Variants in DCLK1 observed in about 807,000 individuals in gnomAD.
The protein encoded by DCLK1 is serine/threonine-protein kinase DCLK1.
In DCLK1, 16 loss-of-function variants were observed where a neutral mutation model predicts 86.2. That is an observed-to-expected ratio of 0.19 (90% CI 0.13 to 0.28). The LOEUF (loss-of-function observed/expected upper bound fraction) is 0.28. DCLK1 is among the 10% of genes least tolerant of loss of function. The pLI is 1.00. For missense variants in DCLK1, 590 were observed against 940.2 expected (o/e 0.63, Z 4.87); for synonymous variants, 369 against 370.5 (o/e 1.00, Z 0.05).
chr13:35,967,299 G>A (rs1280041475), intron 3 of DCLK1, among the ~76,000 whole-genome samples: 2 of 152,148 alleles, frequency 1.3e-5, no homozygotes, highest in Non-Finnish European at 2.9e-5. Flanking sequence ...GAGCCCCTCT[G>A]CCCGGCCGCC....
At chr13:36,114,499 C>T (rs1885714588) in intron 2 of DCLK1, among the ~76,000 whole-genome samples, 1 of 152,212 alleles carries the variant, frequency 6.6e-6, no homozygotes, top group Non-Finnish European at 1.5e-5. Context: ...AGATCACACA[C>T]CACAGTCATT....
At chr13:35,917,827 A>G (rs7995867) in intron 4 of DCLK1, among the ~76,000 whole-genome samples, 147,596 of 151,570 alleles carry the variant, frequency 0.97, 71,997 homozygotes, top group Non-Finnish European at 1. Flanking sequence ...CAGGGCGGGG[A>G]GGCCTCCAGT....
At chr13:35,967,149 G>C (rs576960728) in intron 3 of DCLK1, among the ~76,000 whole-genome samples, 2 of 151,314 alleles carry the variant, frequency 1.3e-5, no homozygotes, top group Admixed American at 1.3e-4. Flanking sequence ...GCCTCTGCCC[G>C]GCCGCCACCC....
At chr13:35,867,442 A>T (rs1166727286) in intron 5 of DCLK1, among the ~76,000 whole-genome samples, 2 of 152,174 alleles carry the variant, frequency 1.3e-5, no homozygotes, top group East Asian at 3.9e-4. Context: ...CTTACCTATC[A>T]CAAATTCCAA....
intron 6 of DCLK1, among the ~76,000 whole-genome samples, chr13:35,851,782 A>T (rs1207775395): frequency 6.6e-6 from 1 of 152,234 alleles, no homozygotes; most frequent in Non-Finnish European, 1.5e-5. Context: ...TCATTGTATA[A>T]GAGTATTCCA....
chr13:35,803,699 C>A (rs1008570384), intron 15 of DCLK1, among the ~76,000 whole-genome samples: 11 of 152,182 alleles, frequency 7.2e-5, no homozygotes, highest in Non-Finnish European at 4.4e-5. Context: ...GCCTTGACCT[C>A]AAGCTTTTGT....
At chr13:35,799,145 C>T (rs1474307112) in intron 15 of DCLK1, among the ~76,000 whole-genome samples, 3 of 152,212 alleles carry the variant, frequency 2.0e-5, no homozygotes, top group African/African-American at 7.2e-5. Context: ...AGTCCTGATG[C>T]CAGGAAGCCA....
intron 3 of DCLK1, among the ~76,000 whole-genome samples, chr13:35,980,602 C>A (rs1428274109): frequency 6.6e-6 from 1 of 152,128 alleles, no homozygotes; most frequent in Non-Finnish European, 1.5e-5. Flanking sequence ...TGGTCCCCAG[C>A]CTTTTTGGCA....
At chr13:35,908,210 T>C (rs1022893288) in intron 4 of DCLK1, among the ~76,000 whole-genome samples, 8 of 152,172 alleles carry the variant, frequency 5.3e-5, no homozygotes. Flanking sequence ...ACTAAACTTT[T>C]AGTATACTAA....
chr13:35,787,617 T>C (rs1368464586), intron 16 of DCLK1, among the ~76,000 whole-genome samples: 1 of 152,064 alleles, frequency 6.6e-6, no homozygotes, highest in Non-Finnish European at 1.5e-5. Flanking sequence ...CAATAGCTAA[T>C]ACATAGAGGG....
chr13:35,923,511 G>C (rs2153127393), intron 4 of DCLK1, among the ~76,000 whole-genome samples: 1 of 152,138 alleles, frequency 6.6e-6, no homozygotes, highest in African/African-American at 2.4e-5. Flanking sequence ...GTGGGTGTCA[G>C]GAGGCTTAGG....
chr13:35,964,251 T>G (rs1878611100), intron 3 of DCLK1, among the ~76,000 whole-genome samples: 2 of 152,162 alleles, frequency 1.3e-5, no homozygotes, highest in African/African-American at 2.4e-5. Flanking sequence ...TTAAAGACAT[T>G]CAAAAGGAAT....
At chr13:35,807,512 G>A (rs1247305162) in intron 14 of DCLK1, among the ~76,000 whole-genome samples, 2 of 152,130 alleles carry the variant, frequency 1.3e-5, no homozygotes, top group Non-Finnish European at 2.9e-5. Context: ...ATTAATTGAT[G>A]GATTCATTCA....
chr13:35,887,837 C>T (rs1345050149), intron 4 of DCLK1, among the ~76,000 whole-genome samples: 2 of 120,302 alleles, frequency 1.7e-5, no homozygotes, highest in African/African-American at 3.2e-5. Context: ...ATCTCTTGTG[C>T]CCAGGAATTC....
chr13:36,003,158 T>C (rs1487344674), intron 3 of DCLK1, among the ~76,000 whole-genome samples: 2 of 152,226 alleles, frequency 1.3e-5, no homozygotes, highest in African/African-American at 4.8e-5. Context: ...ATCAATCTCA[T>C]GTGATTTTGG....
chr13:36,083,823 A>C (rs1281852253), intron 3 of DCLK1, among the ~76,000 whole-genome samples: 2 of 152,198 alleles, frequency 1.3e-5, no homozygotes, highest in Non-Finnish European at 2.9e-5. Context: ...TAAGCTAGGA[A>C]GAGAAAACTT....
At chr13:35,886,905 C>A (rs1407454971) in intron 4 of DCLK1, among the ~76,000 whole-genome samples, 1 of 152,156 alleles carries the variant, frequency 6.6e-6, no homozygotes, top group East Asian at 1.9e-4. Flanking sequence ...AGGTAAATTT[C>A]TAGAAACTAC....
At position 36,075,469 on chromosome 13, in the gene DCLK1, G is replaced by A. The variant is rs117116392; in HGVS notation, c.723+36400C>T. Among the ~76,000 whole-genome samples the A allele has an allele frequency of 8.9e-3, 1,358 of 152,268 alleles. 14 individuals are homozygous for A. The highest frequency in any genetic ancestry group is 0.014 in the Middle Eastern group (4 of 294). On this transcript the variant is annotated intron_variant, in intron 3 of 16. Transcript: ENST00000360631. Reference sequence around the variant, plus strand: ...GAGTATTTTGGGAAATCGAGCATATGTCAGATGCCACCAACTGCCTTATAA... The same window carrying A: ...GAGTATTTTGGGAAATCGAGCATATATCAGATGCCACCAACTGCCTTATAA...
intron 3 of DCLK1, among the ~76,000 whole-genome samples, chr13:36,014,164 G>A (rs932242873): frequency 4.6e-5 from 7 of 152,276 alleles, no homozygotes; most frequent in Middle Eastern, 3.4e-3. Context: ...GAAATCACCC[G>A]TCTTCTGCGT....
Sources: allele counts gnomAD v4.1 joint callset (sites outside exome capture counted in the v4.1 genomes callset), GRCh38; gene constraint gnomAD v4.1.1; transcripts MANE v1.5; gene names NCBI Gene and HGNC (gene_info 2026-07-23, HGNC 2026-07-21).